The following PWWP2A variants were observed in gnomAD, a reference collection of about 807,000 sequenced individuals.
The protein encoded by PWWP2A is PWWP domain containing 2A.
A neutral mutation model predicts 48.5 loss-of-function variants in PWWP2A; 18 were observed. The ratio of observed to expected loss-of-function variants is 0.37; its 90% confidence interval spans 0.26 to 0.55. PWWP2A has a LOEUF of 0.55. Among genes scored for constraint, PWWP2A ranks in the 20% least tolerant of loss-of-function variants. The pLI is 0.81. For synonymous variants in PWWP2A, 396 were observed against 387.7 expected (o/e 1.02, Z -0.25); for missense variants, 867 against 976.4 (o/e 0.89, Z 1.49).
At chr5:160,101,656 ATT>A (rs55790564) in intron 1 of PWWP2A, among the ~76,000 whole-genome samples, 1 of 149,330 alleles carries the variant, frequency 6.7e-6, no homozygotes, top group Non-Finnish European at 1.5e-5. Context: ...ACATTTTGTT[ATT>A]TTTTTTTTTA....
the PWWP2A span, among the ~76,000 whole-genome samples, chr5:160,054,639 A>G: frequency 6.6e-6 from 1 of 151,988 alleles, no homozygotes. Flanking sequence ...GAAAAATCTC[A>G]TGTGAAACCA....
chr5:160,115,891 C>T (rs541237960), intron 1 of PWWP2A, among the ~76,000 whole-genome samples: 4 of 151,902 alleles, frequency 2.6e-5, no homozygotes, highest in African/African-American at 9.7e-5. Context: ...CAGTAAACCC[C>T]AAAACTGCAC....
At chr5:160,090,956 T>C (rs997497947), downstream of PWWP2A, 1 of 985,080 alleles carries the variant, frequency 1.0e-6, no homozygotes, top group African/African-American at 1.7e-5. Flanking sequence ...TAAGCTAAGT[T>C]ACTAGCCCCA....
At chr5:160,073,808 T>G (rs1753801503), downstream of PWWP2A, among the ~76,000 whole-genome samples, 2 of 152,058 alleles carry the variant, frequency 1.3e-5, no homozygotes, top group African/African-American at 2.4e-5. Context: ...CTCACACCTG[T>G]AATCCCAGCA....
downstream of PWWP2A, among the ~76,000 whole-genome samples, chr5:160,059,169 G>A (rs571196093): frequency 5.7e-5 from 8 of 140,646 alleles, no homozygotes; most frequent in East Asian, 1.7e-3. Flanking sequence ...AGTCCTATAC[G>A]GCATCTTCTT....
At chr5:160,065,072 T>C in intron 4 of PWWP2A, 1 of 1,607,200 alleles carries the variant, frequency 6.2e-7, no homozygotes, top group Non-Finnish European at 8.5e-7. Context: ...ATAACAAAGA[T>C]AACAAAAGCT....
chr5:160,113,158 C>CA (rs5872630), intron 1 of PWWP2A: 5,621 of 731,970 alleles, frequency 7.7e-3, no homozygotes, highest in Non-Finnish European at 8.6e-3. Context: ...GACTCTGTGT[C>CA]AAAAAAAAAA....
chr5:160,069,246 C>G (rs1407243281), intron 2 of PWWP2A, among the ~76,000 whole-genome samples: 1 of 151,952 alleles, frequency 6.6e-6, no homozygotes, highest in Middle Eastern at 3.4e-3. Context: ...GATCATGCCA[C>G]TGCACTCTAG....
chr5:160,112,162 GA>G (rs1286090482), intron 1 of PWWP2A, among the ~76,000 whole-genome samples: 5 of 132,522 alleles, frequency 3.8e-5, no homozygotes, highest in African/African-American at 1.1e-4. Context: ...AAAGAAAAAA[GA>G]AAAAAAAAGA....
intron 4 of PWWP2A, among the ~76,000 whole-genome samples, chr5:160,064,248 C>T (rs1007565471): frequency 5.3e-5 from 8 of 152,144 alleles, no homozygotes; most frequent in African/African-American, 1.9e-4. Context: ...GGATTACAGG[C>T]GTGAGCCACC....
In PWWP2A at chr5:160,119,192, GGCTCGTCGGCCTGA is replaced by G; in HGVS notation, c.183_196del (p.Gln62AlafsTer26). On this transcript the variant is annotated frameshift_variant, in exon 1 of 2. Transcript: ENST00000307063. LOFTEE classifies it high-confidence loss of function. ...CGGCGGCGGTGGCGGCGGGAGCGGC[GGCTCGTCGGCCTGA>G]GGAGCGGATTGCTGCCCGTCAGTCT... The G allele has an allele frequency of 6.8e-7, 1 of 1,467,616 alleles. No individual in the cohort carries two copies. The highest frequency in any genetic ancestry group is 8.9e-7 in the Non-Finnish European group (1 of 1,123,650). The allele number at this position is 1,467,616 out of a possible 1,614,324, so 90.9% of individuals were successfully genotyped here. A position where few individuals can be genotyped will look rare whatever the true frequency, so the allele number is the denominator to read the frequency against.
chr5:160,048,416 A>C, the PWWP2A span, among the ~76,000 whole-genome samples: 2 of 152,222 alleles, frequency 1.3e-5, no homozygotes, highest in South Asian at 4.1e-4. Context: ...CGGCCTCCCA[A>C]AGTGCTGGGA....
chr5:160,057,853 C>T (rs548625104), downstream of PWWP2A, among the ~76,000 whole-genome samples: 5 of 152,276 alleles, frequency 3.3e-5, no homozygotes, highest in Admixed American at 1.3e-4. The surrounding 1 kb of genome is among the most constrained non-coding windows in gnomAD (Gnocchi z 4.4). Context: ...ACTGCAACCC[C>T]GCCTCCTGGG....
downstream of PWWP2A, among the ~76,000 whole-genome samples, chr5:160,071,501 A>T (rs1440979616): frequency 6.6e-6 from 1 of 152,190 alleles, no homozygotes; most frequent in Admixed American, 6.5e-5. Context: ...TTGGGATGTC[A>T]AAGGGAAAGG....
chr5:160,075,090 C>CTGA (rs1409524429), downstream of PWWP2A, among the ~76,000 whole-genome samples: 6 of 152,310 alleles, frequency 3.9e-5, no homozygotes, highest in African/African-American at 1.4e-4. Flanking sequence ...TATAAATATA[C>CTGA]TGATACATGT....
intron 1 of PWWP2A, among the ~76,000 whole-genome samples, chr5:160,096,637 A>T (rs1428511364): frequency 6.6e-6 from 1 of 152,124 alleles, no homozygotes; most frequent in African/African-American, 2.4e-5. Context: ...GATTTATAAA[A>T]TTTTTTTATA....
intron 1 of PWWP2A, among the ~76,000 whole-genome samples, chr5:160,107,857 C>T (rs934701082): frequency 2.0e-5 from 3 of 152,018 alleles, no homozygotes; most frequent in South Asian, 2.1e-4. Context: ...AAAAATTAGC[C>T]GGATATGGTG....
At chr5:160,082,562 G>A (rs962563545) in intron 2 of PWWP2A, among the ~76,000 whole-genome samples, 1 of 152,186 alleles carries the variant, frequency 6.6e-6, no homozygotes, top group Non-Finnish European at 1.5e-5. Flanking sequence ...GAGTCAAGAT[G>A]TATCAAAGAA....
At chr5:160,113,323 AAAT>A (rs1339154745) in intron 1 of PWWP2A, 1 of 983,302 alleles carries the variant, frequency 1.0e-6, no homozygotes, top group Non-Finnish European at 1.2e-6. Context: ...ATAAATCTGA[AAAT>A]AATGCAAAAA....
Sources: gnomAD v4.1 joint callset for allele counts (sites outside exome capture counted in the v4.1 genomes callset) on GRCh38, gnomAD v4.1.1 for gene constraint, Gnocchi (gnomAD v3.1) non-coding constraint, MANE v1.5 for transcripts, NCBI Gene and HGNC (gene_info 2026-07-23, HGNC 2026-07-21) for gene names.